APOO: variants seen among roughly 807,000 people sequenced by gnomAD.
APOO encodes apolipoprotein O.
APOO carries 11 observed loss-of-function variants against 23.1 expected under a neutral mutation model. That is an observed-to-expected ratio of 0.48 (90% CI 0.30 to 0.79). The LOEUF (loss-of-function observed/expected upper bound fraction) is 0.79. APOO is among the 30% of genes least tolerant of loss of function. The pLI is 0.07. For synonymous variants in APOO, 59 were observed against 54.8 expected (o/e 1.08, Z -0.34); for missense variants, 160 against 142.7 (o/e 1.12, Z -0.62).
intron 6 of APOO, among the ~76,000 whole-genome samples, chrX:23,857,907 C>T (rs967279620): frequency 9.0e-6 from 1 of 111,201 alleles, no homozygotes; most frequent in Non-Finnish European, 1.9e-5. Flanking sequence ...AACAAACCAC[C>T]GGAGGGCTTG....
chrX:23,907,551 G>A, intron 1 of APOO, 143 bp downstream of exon 1: 1 of 629,083 alleles, frequency 1.6e-6, no homozygotes, highest in Non-Finnish European at 2.3e-6. Flanking sequence ...TGAACCGCGG[G>A]GCCGGGACGC....
chrX:23,836,322 CT>C (rs1249468181), intron 8 of APOO, among the ~76,000 whole-genome samples: 6 of 105,899 alleles, frequency 5.7e-5, no homozygotes. Context: ...TTTCTTTTTT[CT>C]TTTTTTTTTG....
chrX:23,896,623 C>T (rs1258874342), intron 1 of APOO, among the ~76,000 whole-genome samples: 3 of 111,353 alleles, frequency 2.7e-5, no homozygotes, highest in South Asian at 3.7e-4. Context: ...ACAATCATTT[C>T]GATCTGTTTC....
intron 7 of APOO, among the ~76,000 whole-genome samples, chrX:23,848,512 G>T (rs1924361718): frequency 9.0e-6 from 1 of 111,210 alleles, no homozygotes; most frequent in Non-Finnish European, 1.9e-5. Context: ...GAAAGGGAAT[G>T]AATTCATTAT....
intron 4 of APOO, among the ~76,000 whole-genome samples, chrX:23,873,675 G>A (rs945650129): frequency 9.0e-6 from 1 of 110,531 alleles, no homozygotes; most frequent in East Asian, 2.8e-4. Context: ...AAATTTATCT[G>A]ACAGTCTCAG....
intron 1 of APOO, among the ~76,000 whole-genome samples, chrX:23,900,889 A>G (rs1927106142): frequency 9.0e-6 from 1 of 111,452 alleles, no homozygotes; most frequent in African/African-American, 3.3e-5. Context: ...GTAAAAATGT[A>G]GTTACTATAA....
chrX:23,879,225 C>G (rs1002892198), intron 2 of APOO, among the ~76,000 whole-genome samples, 191 bp from the exon 3 acceptor site: 3 of 111,723 alleles, frequency 2.7e-5, no homozygotes, highest in South Asian at 7.6e-4. Context: ...CACTTAAGGT[C>G]AGGAGTTCGA....
chrX:23,858,592 C>T (rs748582521), intron 6 of APOO, 50 bp downstream of exon 6: 1 of 1,097,037 alleles, frequency 9.1e-7, no homozygotes, highest in Non-Finnish European at 1.2e-6. Flanking sequence ...CAGATTCATA[C>T]ACACACAAAC....
chrX:23,874,295 A>G (rs1925746946), intron 4 of APOO, 108 bp downstream of exon 4: 2 of 715,325 alleles, frequency 2.8e-6, no homozygotes, highest in East Asian at 6.5e-5. Flanking sequence ...AATTCTGCAT[A>G]TAATTTTAAG....
intron 1 of APOO, among the ~76,000 whole-genome samples, chrX:23,904,668 G>A (rs957803747): frequency 1.8e-5 from 2 of 109,549 alleles, no homozygotes; most frequent in Admixed American, 9.7e-5. Flanking sequence ...CAACACACCC[G>A]GCTAATTTTT....
intron 7 of APOO, among the ~76,000 whole-genome samples, chrX:23,849,196 C>G (rs957785176): frequency 2.7e-5 from 3 of 109,280 alleles, no homozygotes; most frequent in Admixed American, 1.0e-4. Context: ...CCTCGGCCTC[C>G]CAAAGTGTTG....
At chrX:23,838,378 G>A (rs111373096) in intron 8 of APOO, among the ~76,000 whole-genome samples, 22,817 of 70,576 alleles carry the variant, frequency 0.32, 6,000 homozygotes, top group African/African-American at 0.77. Context: ...AAAAAAAAAA[G>A]AAAGAAAGAA....
chrX:23,881,019 T>C, intron 1 of APOO, 67 bp from the exon 2 acceptor site: 1 of 712,652 alleles, frequency 1.4e-6, no homozygotes, highest in South Asian at 4.2e-5. Context: ...ATGAGCATAT[T>C]CATAACCTCA....
chrX:23,892,290 C>G (rs982076995), intron 1 of APOO, among the ~76,000 whole-genome samples: 2 of 104,196 alleles, frequency 1.9e-5, no homozygotes, highest in African/African-American at 6.9e-5. Context: ...CTCGCACTGT[C>G]GCCCAGCCTG....
intron 1 of APOO, among the ~76,000 whole-genome samples, chrX:23,895,597 G>T (rs1245901009): frequency 9.0e-6 from 1 of 111,183 alleles, no homozygotes; most frequent in Non-Finnish European, 1.9e-5. Flanking sequence ...AACATGGCAT[G>T]TGTACCTATG....
At position 23,858,625 on chromosome X, in the gene APOO, TAC is replaced by T. The variant is rs1161565515; in HGVS notation, c.480+15_480+16del. On this transcript the variant is annotated intron_variant, in intron 6 of 8. Transcript: ENST00000379226. ...AACAAGAATGAGGGACATCATGGAT[TAC>T]AGAGTTTCTCTTACCTGGGCAAACA... is the stretch of plus-strand genomic sequence containing the variant. The T allele has an allele frequency of 8.4e-7, 1 of 1,193,418 alleles. No homozygotes were observed. Among genetic ancestry groups the T allele is most frequent in the Non-Finnish European group, 1.1e-6 (1 of 882,113 alleles).
intron 4 of APOO, among the ~76,000 whole-genome samples, chrX:23,873,132 T>C (rs1925693007): frequency 9.0e-6 from 1 of 111,530 alleles, no homozygotes; most frequent in African/African-American, 3.3e-5. Context: ...TACTGTGCTA[T>C]CAAATACTAG....
intron 6 of APOO, among the ~76,000 whole-genome samples, chrX:23,858,417 G>A (rs1391159708): frequency 8.9e-6 from 1 of 111,870 alleles, no homozygotes; most frequent in Non-Finnish European, 1.9e-5. Context: ...AAACAATCAC[G>A]CAAATTCGTG....
In APOO at chrX:23,836,641, T is replaced by C. The variant is rs929507307; in HGVS notation, c.*30-3029A>G. The C allele has an allele frequency of 1.6e-4, 114 of 695,930 alleles. 1 individual carries two copies. The highest frequency in any genetic ancestry group is 3.9e-4 in the East Asian group (9 of 23,075). The allele number at this position is 695,930 out of a possible 1,213,427, so 57.4% of individuals were successfully genotyped here. ...GCCTAATTTCTTTTTTTTTTTTTTT[T>C]CCCCAAATCAATAGGTCTTTTATTG... On this transcript the variant is annotated intron_variant, in intron 8 of 8. Transcript: ENST00000379226.
Sources: gnomAD v4.1 joint callset for allele counts (sites outside exome capture counted in the v4.1 genomes callset) on GRCh38, gnomAD v4.1.1 for gene constraint, MANE v1.5 for transcripts, NCBI Gene and HGNC (gene_info 2026-07-23, HGNC 2026-07-21) for gene names.